Variants in MLLT6 observed in about 807,000 individuals in gnomAD.
The protein encoded by MLLT6 is protein AF-17.
Under a neutral mutation model 103.0 loss-of-function variants are expected in MLLT6, and 22 were observed. The observed-to-expected ratio is 0.21, with a 90% CI of 0.15 to 0.31. The LOEUF is 0.31. Among genes scored for constraint, MLLT6 ranks in the 10% least tolerant of loss-of-function variants. MLLT6 has a pLI of 1.00. For missense variants in MLLT6, 1,199 were observed against 1,441.7 expected (o/e 0.83, Z 2.73); for synonymous variants, 606 against 623.5 (o/e 0.97, Z 0.42).
chr17:38,722,635 G>A, intron 17 of MLLT6, 43 bp from the exon 18 acceptor site: 1 of 673,174 alleles, frequency 1.5e-6, no homozygotes, highest in East Asian at 2.9e-5. Context: ...CCTCCCCCAT[G>A]GTCTGTGTGT....
At chr17:38,725,153 G>C (rs978834833) in intron 19 of MLLT6, 177 bp downstream of exon 19, 63 of 571,118 alleles carry the variant, frequency 1.1e-4, no homozygotes, top group African/African-American at 1.0e-3. Context: ...CTCCTGCACG[G>C]CCAAGAAAGA....
chr17:38,709,214 G>A lies in MLLT6; in HGVS notation c.396G>A (p.Ala132=), dbSNP rs1335936473. The A allele has an allele frequency of 3.1e-6, 5 of 1,612,372 alleles. No individual in the cohort carries two copies. Among genetic ancestry groups the A allele is most frequent in the East Asian group, 2.2e-5 (1 of 44,880 alleles). The change falls in exon 5 of 20, where the codon GCG becomes GCA. Residue 132 remains alanine (A), a synonymous_variant. Coordinates refer to ENST00000621332, the MANE Select transcript of MLLT6 (RefSeq NM_005937.4). The surrounding 1 kb of genome is among the most constrained non-coding windows in gnomAD (Gnocchi z 4.3). ...ICEEQGRESK[A]ASGACMTCNR... is the part of the protein sequence containing the mutation. ...AGGAGCAGGGCCGGGAGAGCAAGGC[G>A]GCCTCGGGAGCCTGCATGACCTGTA...
At chr17:38,717,768 C>T in intron 11 of MLLT6, 77 bp from the exon 12 acceptor site, 2 of 1,385,810 alleles carry the variant, frequency 1.4e-6, no homozygotes, top group Non-Finnish European at 1.0e-6. Context: ...GCACACCCGG[C>T]CCCCTGCACC....
In MLLT6 at chr17:38,720,765, T is replaced by C. The variant is rs2143703051; in HGVS notation, c.2442+18T>C. The C allele has an allele frequency of 1.2e-6, 2 of 1,610,664 alleles. No homozygotes were observed. The highest frequency in any genetic ancestry group is 3.3e-4 in the Middle Eastern group (2 of 6,060). On this transcript the variant is annotated intron_variant, in intron 16 of 19. Transcript: ENST00000621332. ...CTTCTGAGGTGGGCGCTACGAGGAG[T>C]GGGGCAGGAAGGAGGGGGAGACTCA...
At chr17:38,712,830 G>C in intron 8 of MLLT6, 41 bp downstream of exon 8, 2 of 1,497,234 alleles carry the variant, frequency 1.3e-6, no homozygotes, top group Non-Finnish European at 1.9e-6. Flanking sequence ...GTGTGGGTCT[G>C]GGGTGGCAGA....
At chr17:38,707,076 C>T in intron 2 of MLLT6, 47 bp downstream of exon 2, 1 of 1,530,706 alleles carries the variant, frequency 6.5e-7, no homozygotes, top group Non-Finnish European at 9.0e-7. Flanking sequence ...CTCCCACACA[C>T]CTGAGCGTCT....
Position 38,716,686 on chromosome 17 carries a change from T to G in MLLT6, c.1356T>G (p.Pro452=). The G allele has an allele frequency of 6.2e-7, 1 of 1,612,746 alleles. No individual in the cohort carries two copies. The highest frequency in any genetic ancestry group is 8.5e-7 in the Non-Finnish European group (1 of 1,179,572). The change falls in exon 10 of 20, where the codon CCT becomes CCG. Residue 452 remains proline (P), a synonymous_variant. Coordinates refer to ENST00000621332, the MANE Select transcript of MLLT6 (RefSeq NM_005937.4). This position sits in a 1 kb window ranked among gnomAD's most constrained non-coding sequence, Gnocchi z 5.6. ...GGATGCCCGCACTGAGTGCCACCCC[T>G]GTGCCTGCTGATGAGACCCCTGAGA... The part of the protein sequence containing the change: ...HKRMPALSAT[P]VPADETPETG...
rs1905924548 is a variant in MLLT6, at chr17:38,724,613, C to T, written c.2884-7C>T. ...GTTGGCCAACAAGCGGTCTGGCCCC[C>T]TTGCAGGAACACCAGACTGTTGTCT... On this transcript the variant is annotated splice_polypyrimidine_tract_variant and splice_region_variant and intron_variant, in intron 18 of 19. Transcript: ENST00000621332. This position sits in a 1 kb window ranked among gnomAD's most constrained non-coding sequence, Gnocchi z 5.4. 2 of 1,575,598 alleles carry T rather than the reference C, an allele frequency of 1.3e-6. No individual in the cohort carries two copies. Among genetic ancestry groups the T allele is most frequent in the Non-Finnish European group, 8.6e-7 (1 of 1,156,998 alleles).
At position 38,712,175 on chromosome 17, in the gene MLLT6, G is replaced by T. The variant is rs907751967; in HGVS notation, c.720+161G>T. ...AGGAGGGGGCTGAAATGAAACGGTGGGGGGGTGAGGCGGGAGCTTGGCTTC... is the reference window on the plus strand; with the variant it reads ...AGGAGGGGGCTGAAATGAAACGGTGTGGGGGTGAGGCGGGAGCTTGGCTTC... On this transcript the variant is annotated intron_variant, in intron 7 of 19. Transcript: ENST00000621332. 4 of 946,352 alleles carry T rather than the reference G, an allele frequency of 4.2e-6. No homozygotes were observed. The African/African-American group carries it at 5.3e-5, about 13-fold the overall frequency. The allele number at this position is 946,352 out of a possible 1,614,324, so 58.6% of individuals were successfully genotyped here. A position where few individuals can be genotyped will look rare whatever the true frequency, so the allele number is the denominator to read the frequency against.
At chr17:38,712,171 G>GGT in intron 7 of MLLT6, 157 bp downstream of exon 7, 1 of 951,348 alleles carries the variant, frequency 1.1e-6, no homozygotes, top group Non-Finnish European at 1.3e-6. Context: ...GAAATGAAAC[G>GGT]GTGGGGGGGT....
Position 38,720,146 on chromosome 17 carries a change from C to T in MLLT6, c.2156-226C>T, listed in dbSNP as rs1325988507. The T allele has an allele frequency of 8.6e-6, 6 of 698,700 alleles. No individual in the cohort carries two copies. The East Asian group carries it at 1.6e-4, about 19-fold the overall frequency. The allele number at this position is 698,700 out of a possible 1,614,324, so 43.3% of individuals were successfully genotyped here. On this transcript the variant is annotated intron_variant, in intron 14 of 19. Coordinates refer to ENST00000621332, the MANE Select transcript of MLLT6 (RefSeq NM_005937.4). ...CAAACCGCAACTTCCGCCCTTCTCT[C>T]CTGACCCGTGTGGCCTCGACCCCAG... is the stretch of plus-strand genomic sequence containing the variant.
At chr17:38,722,633 A>AGGGGGGGGGGGGGGGGG in intron 17 of MLLT6, 45 bp from the exon 18 acceptor site, 1 of 377,886 alleles carries the variant, frequency 2.6e-6, no homozygotes. Flanking sequence ...GCCCTCCCCC[A>AGGGGGGGGGGGGGGGGG]TGGTCTGTGT....
Position 38,727,557 on chromosome 17 carries a change from C to G in MLLT6, c.*1959C>G, listed in dbSNP as rs531192229. 4 of 200,462 alleles carry G rather than the reference C, an allele frequency of 2.0e-5. No individual in the cohort carries two copies. The highest frequency in any genetic ancestry group is 9.2e-5 in the African/African-American group (4 of 43,586). 12.4% of individuals were successfully genotyped at this position (200,462 alleles called of 1,614,324 possible). Reference sequence around the variant, plus strand: ...GTGGCTCACGCCTGTAATCCCAACACTTTGGGAGGCTGAGGCGGGCGGATC... The same window carrying G: ...GTGGCTCACGCCTGTAATCCCAACAGTTTGGGAGGCTGAGGCGGGCGGATC... On this transcript the variant is annotated 3_prime_UTR_variant, in exon 20 of 20. Coordinates refer to ENST00000621332, the MANE Select transcript of MLLT6 (RefSeq NM_005937.4).
At position 38,705,384 on chromosome 17, in the gene MLLT6, G is replaced by A. The variant is rs992865052; in HGVS notation, c.-249G>A. 8.8e-6 allele frequency among the ~76,000 whole-genome samples: 1 copy of A among 113,360 alleles called. No homozygotes were observed. Among genetic ancestry groups the A allele is most frequent in the Non-Finnish European group, 2.2e-5 (1 of 44,464 alleles). 74.4% of individuals were successfully genotyped at this position (113,360 alleles called of 152,430 possible). ...CCCGGCGTGCGAGTCTCATTGTTGT[G>A]GGGGGGGCCCGTCGGGGCATGAGGG... On this transcript the variant is annotated 5_prime_UTR_variant, in exon 1 of 20. Transcript: ENST00000621332.
At chr17:38,711,027 G>A (rs1171725557) in intron 6 of MLLT6, among the ~76,000 whole-genome samples, 8 of 152,200 alleles carry the variant, frequency 5.3e-5, no homozygotes, top group Admixed American at 2.6e-4. Context: ...GGCGGGCCAC[G>A]AAAGAGGGGG....
At chr17:38,721,621 A>T (rs1905742131) in intron 16 of MLLT6, among the ~76,000 whole-genome samples, 1 of 152,248 alleles carries the variant, frequency 6.6e-6, no homozygotes, top group South Asian at 2.1e-4. Context: ...GGTTCACCAG[A>T]TGGTCACCAC....
At chr17:38,722,543 A>G in intron 17 of MLLT6, 135 bp from the exon 18 acceptor site, 1 of 654,540 alleles carries the variant, frequency 1.5e-6, no homozygotes, top group Non-Finnish European at 2.8e-6. Context: ...CGGTGCTCTA[A>G]GATCGCACAT....
intron 1 of MLLT6, 195 bp downstream of exon 1, chr17:38,705,936 G>T (rs1418033444): frequency 7.7e-6 from 2 of 259,886 alleles, no homozygotes; most frequent in Admixed American, 1.1e-4. Context: ...CTTGCCTATT[G>T]TTCCAGTTCC....
intron 6 of MLLT6, among the ~76,000 whole-genome samples, chr17:38,710,367 G>A (rs1262818125): frequency 6.6e-6 from 1 of 152,200 alleles, no homozygotes; most frequent in African/African-American, 2.4e-5. Flanking sequence ...TTCTGGAGCA[G>A]TTGGCTGCAG....
Sources: gnomAD v4.1 joint callset for allele counts (sites outside exome capture counted in the v4.1 genomes callset) on GRCh38, gnomAD v4.1.1 for gene constraint, Gnocchi (gnomAD v3.1) non-coding constraint, MANE v1.5 for transcripts, NCBI Gene and HGNC (gene_info 2026-07-23, HGNC 2026-07-21) for gene names.